NEMP2: variants seen among roughly 807,000 people sequenced by gnomAD.
The protein encoded by NEMP2 is UPF0571 transmembrane protein.
Under a neutral mutation model 54.2 loss-of-function variants are expected in NEMP2, and 53 were observed. That is an observed-to-expected ratio of 0.98 (90% CI 0.78 to 1.23). NEMP2 has a LOEUF of 1.23. Among genes scored for constraint, NEMP2 ranks in the 50% most tolerant of loss-of-function variants. The pLI is 0.00. For missense variants in NEMP2, 455 were observed against 511.3 expected (o/e 0.89, Z 1.06); for synonymous variants, 197 against 190.3 (o/e 1.04, Z -0.29).
chr2:190,492,864 G>A, the NEMP2 span, among the ~76,000 whole-genome samples: 77 of 151,844 alleles, frequency 5.1e-4, no homozygotes, highest in Admixed American at 1.2e-3. The surrounding 1 kb of genome is among the most constrained non-coding windows in gnomAD (Gnocchi z 5.2). Context: ...AGCACTACAA[G>A]AGCTGAAAGG....
Position 190,525,262 on chromosome 2 carries a change from C to A in NEMP2, c.213+1G>T. On this transcript the variant is annotated splice_donor_variant, in intron 2 of 8. Transcript: ENST00000409150. LOFTEE classifies it high-confidence loss of function. The surrounding 1 kb of genome is among the most constrained non-coding windows in gnomAD (Gnocchi z 5.0). ...GACATGAGTTAAAAGTAGGCCCTTA[C>A]CTGCATAGTTGACCATATGTATTTC... 6.6e-7 allele frequency: 1 copy of A among 1,514,152 alleles called. No individual in the cohort carries two copies. Among genetic ancestry groups the A allele is most frequent in the South Asian group, 1.2e-5 (1 of 83,076 alleles). 93.8% of individuals were successfully genotyped at this position (1,514,152 alleles called of 1,614,324 possible).
intron 7 of NEMP2, among the ~76,000 whole-genome samples, chr2:190,511,802 C>T (rs1690376659): frequency 6.6e-6 from 1 of 151,512 alleles, no homozygotes; most frequent in East Asian, 1.9e-4. Context: ...GATCCATCCA[C>T]CTCAGCCTCC....
At chr2:190,584,935 GAAAGAAAGA>G in the NEMP2 span, among the ~76,000 whole-genome samples, 1 of 148,536 alleles carries the variant, frequency 6.7e-6, no homozygotes, top group African/African-American at 2.5e-5. The surrounding 1 kb of genome is among the most constrained non-coding windows in gnomAD (Gnocchi z 4.2). Flanking sequence ...AAGAAAGAAA[GAAAGAAAGA>G]AAGAAAGAAA....
chr2:190,595,423 G>C, the NEMP2 span, among the ~76,000 whole-genome samples: 280 of 152,224 alleles, frequency 1.8e-3, no homozygotes, highest in African/African-American at 5.7e-3. This position sits in a 1 kb window ranked among gnomAD's most constrained non-coding sequence, Gnocchi z 4.0. Context: ...TTAAACTAAA[G>C]AGCTTCTGCA....
chr2:190,446,164 G>A, the NEMP2 span, among the ~76,000 whole-genome samples: 2 of 152,206 alleles, frequency 1.3e-5, no homozygotes, highest in South Asian at 2.1e-4. Context: ...GTCTTGTGGT[G>A]AGGTTTAGTT....
the NEMP2 span, among the ~76,000 whole-genome samples, chr2:190,615,323 A>G: frequency 6.6e-6 from 1 of 152,144 alleles, no homozygotes; most frequent in Non-Finnish European, 1.5e-5. The surrounding 1 kb of genome is among the most constrained non-coding windows in gnomAD (Gnocchi z 4.7). Context: ...TAATTCAGGG[A>G]AAAATTGACT....
chr2:190,636,812 AAAAGG>A, the NEMP2 span, among the ~76,000 whole-genome samples: 1 of 152,260 alleles, frequency 6.6e-6, no homozygotes, highest in African/African-American at 2.4e-5. Flanking sequence ...TTAAAAACAC[AAAAGG>A]AATGGGACAC....
the NEMP2 span, among the ~76,000 whole-genome samples, chr2:190,572,367 C>CT: frequency 6.6e-6 from 1 of 152,070 alleles, no homozygotes; most frequent in African/African-American, 2.4e-5. Flanking sequence ...TAAATAAGGC[C>CT]TATAGAACAT....
chr2:190,475,108 A>G, the NEMP2 span, among the ~76,000 whole-genome samples: 1 of 152,186 alleles, frequency 6.6e-6, no homozygotes, highest in African/African-American at 2.4e-5. Context: ...AGCCAATATC[A>G]TACTGAATGG....
chr2:190,600,336 A>G, the NEMP2 span, among the ~76,000 whole-genome samples: 1 of 152,204 alleles, frequency 6.6e-6, no homozygotes, highest in Non-Finnish European at 1.5e-5. This position sits in a 1 kb window ranked among gnomAD's most constrained non-coding sequence, Gnocchi z 4.9. Context: ...GAGGGTTATC[A>G]GTGTTAGTCT....
At chr2:190,604,553 C>G in the NEMP2 span, among the ~76,000 whole-genome samples, 1 of 152,126 alleles carries the variant, frequency 6.6e-6, no homozygotes, top group Non-Finnish European at 1.5e-5. This position sits in a 1 kb window ranked among gnomAD's most constrained non-coding sequence, Gnocchi z 4.5. Context: ...TGAACACAAC[C>G]TTGAAGACAG....
At chr2:190,500,181 A>G (rs371595306), downstream of NEMP2, 30 of 1,614,142 alleles carry the variant, frequency 1.9e-5, 2 homozygotes, top group African/African-American at 2.5e-4. This position sits in a 1 kb window ranked among gnomAD's most constrained non-coding sequence, Gnocchi z 5.3. Flanking sequence ...GAGGAGAGTG[A>G]AGAGCAGCAG....
chr2:190,454,422 G>A, the NEMP2 span: 2 of 152,224 alleles, frequency 1.3e-5, no homozygotes, highest in South Asian at 4.1e-4. This position sits in a 1 kb window ranked among gnomAD's most constrained non-coding sequence, Gnocchi z 4.6. Flanking sequence ...ATCTTTGGGA[G>A]GTAATGAAGT....
At chr2:190,436,089 T>C in the NEMP2 span, 2 of 1,614,078 alleles carry the variant, frequency 1.2e-6, no homozygotes, top group African/African-American at 1.3e-5. The surrounding 1 kb of genome is among the most constrained non-coding windows in gnomAD (Gnocchi z 5.3). Context: ...AGAGAAAGTA[T>C]GTGCTTGCAG....
At chr2:190,490,636 T>C in the NEMP2 span, among the ~76,000 whole-genome samples, 1 of 152,188 alleles carries the variant, frequency 6.6e-6, no homozygotes, top group Non-Finnish European at 1.5e-5. This position sits in a 1 kb window ranked among gnomAD's most constrained non-coding sequence, Gnocchi z 4.5. Context: ...CAGGGATGCC[T>C]TTATTAAGAT....
chr2:190,439,384 T>G, the NEMP2 span, among the ~76,000 whole-genome samples: 12 of 152,282 alleles, frequency 7.9e-5, no homozygotes, highest in Non-Finnish European at 1.0e-4. The surrounding 1 kb of genome is among the most constrained non-coding windows in gnomAD (Gnocchi z 5.8). Flanking sequence ...ATTTTTTTAT[T>G]ATACTTTAAG....
chr2:190,551,740 A>G, the NEMP2 span, among the ~76,000 whole-genome samples: 1 of 152,204 alleles, frequency 6.6e-6, no homozygotes, highest in Non-Finnish European at 1.5e-5. Flanking sequence ...TTTTTACATG[A>G]AAGTGTCTTT....
At chr2:190,435,863 T>C in the NEMP2 span, 1 of 913,128 alleles carries the variant, frequency 1.1e-6, no homozygotes, top group African/African-American at 1.7e-5. Context: ...ATGAGAATTC[T>C]CTCTTGCAAT....
the NEMP2 span, chr2:190,465,023 C>G: frequency 3.4e-6 from 2 of 595,148 alleles, no homozygotes; most frequent in South Asian, 7.3e-5. This position sits in a 1 kb window ranked among gnomAD's most constrained non-coding sequence, Gnocchi z 4.6. Flanking sequence ...TTCATTGTAT[C>G]TATATCTTGA....
Sources: gnomAD v4.1 joint callset for allele counts (sites outside exome capture counted in the v4.1 genomes callset) on GRCh38, gnomAD v4.1.1 for gene constraint, Gnocchi (gnomAD v3.1) non-coding constraint, MANE v1.5 for transcripts, NCBI Gene and HGNC (gene_info 2026-07-23, HGNC 2026-07-21) for gene names.